The following ZNF582 variants were observed in gnomAD, a reference collection of about 807,000 sequenced individuals.
ZNF582 encodes the protein zinc finger protein 582.
A neutral mutation model predicts 12.3 loss-of-function variants in ZNF582; 14 were observed. The observed-to-expected ratio is 1.14, with a 90% CI of 0.75 to 1.78. The LOEUF (loss-of-function observed/expected upper bound fraction) is 1.78. Ranked by LOEUF, ZNF582 falls within the 40% of genes most tolerant of loss-of-function variation. The probability of loss-of-function intolerance (pLI) is 0.00; values close to 1 mark genes in which losing one functional copy is unlikely to be tolerated. For missense variants in ZNF582, 567 were observed against 616.5 expected, an observed-to-expected ratio of 0.92 and a Z score of 0.85; for synonymous variants, 210 against 207.2, an observed-to-expected ratio of 1.01 and a Z score of -0.11.
exon 1 of ZNF582, chr19:56,393,470 C>T (rs766304501): frequency 1.1e-4 from 55 of 516,438 alleles, no homozygotes; most frequent in South Asian, 7.5e-4. Flanking sequence ...CAAGTGCCAC[C>T]GCGGCCGCGC....
chr19:56,383,068 A>C (rs2041930964), exon 5 of ZNF582: 2 of 152,226 alleles, frequency 1.3e-5, no homozygotes. Flanking sequence ...TGTGCTGCAC[A>C]GGAGACTGGA....
In ZNF582 at chr19:56,384,863, A is replaced by C. The variant is rs372062017; in HGVS notation, c.554T>G (p.Leu185Arg). ...ATAAATTCCTTGATGATTAATAAGG[A>C]GTTCCTTTTGCCAGAAGTCTTTTCT... The change falls in exon 5 of 5, where the codon CTC becomes CGC. Residue 185 changes from leucine (L) to arginine (R), a missense_variant. By Grantham distance (102) the Leu-to-Arg change is moderately radical (BLOSUM62 -2). Coordinates refer to ENST00000586929, the Ensembl canonical transcript of ZNF582. 2.4e-5 allele frequency: 39 copies of C among 1,610,426 alleles called. No individual in the cohort carries two copies. The African/African-American group carries it at 5.1e-4, about 21-fold the overall frequency.
Position 56,393,256 on chromosome 19 carries a change from G to A in ZNF582, c.-117C>T, listed in dbSNP as rs368263710. 88 of 1,246,316 alleles carry A rather than the reference G, an allele frequency of 7.1e-5. No homozygotes were observed. The Middle Eastern group carries it at 1.4e-3, about 19-fold the overall frequency. 77.2% of individuals were successfully genotyped at this position (1,246,316 alleles called of 1,614,324 possible). ...ATGCACCTGGGCTATGAGGCTGGAA[G>A]CAGAAAGGGGGCGCCAGAAAGCGCA... is the stretch of plus-strand genomic sequence containing the variant. On this transcript the variant is annotated 5_prime_UTR_variant, in exon 1 of 5. Coordinates refer to ENST00000586929, the Ensembl canonical transcript of ZNF582.
chr19:56,386,589 T>C (rs552414188), intron 4 of ZNF582: 1 of 152,422 alleles, frequency 6.6e-6, no homozygotes, highest in East Asian at 1.9e-4. Flanking sequence ...GGACTGTGAT[T>C]CTACCTGGTA....
intron 4 of ZNF582, among the ~76,000 whole-genome samples, chr19:56,385,503 C>T (rs7257019): frequency 0.13 from 19,737 of 151,998 alleles, 1,954 homozygotes; most frequent in East Asian, 0.35. Flanking sequence ...TTCAGCAACA[C>T]AGCAAGACCC....
chr19:56,382,925 T>C (rs1370007974), exon 5 of ZNF582: 2 of 152,168 alleles, frequency 1.3e-5, no homozygotes, highest in Non-Finnish European at 2.9e-5. Flanking sequence ...TGTTCTTATA[T>C]AAAAATGTTT....
At position 56,393,208 on chromosome 19, in the gene ZNF582, C is replaced by T. The variant is rs1600334251; in HGVS notation, c.-81+12G>A. ...CGCAATTTCAGGGGGTCGGAGACCCCTGCGCACCCACCTAAGGGGTCCATG... is the reference window on the plus strand; with the variant it reads ...CGCAATTTCAGGGGGTCGGAGACCCTTGCGCACCCACCTAAGGGGTCCATG... On this transcript the variant is annotated intron_variant, in intron 1 of 4. Transcript: ENST00000586929. 1.7e-5 allele frequency: 21 copies of T among 1,263,818 alleles called. No individual in the cohort carries two copies. Among genetic ancestry groups the T allele is most frequent in the Non-Finnish European group, 2.1e-5 (21 of 982,216 alleles). The allele number at this position is 1,263,818 out of a possible 1,614,324, so 78.3% of individuals were successfully genotyped here. A position where few individuals can be genotyped will look rare whatever the true frequency, so the allele number is the denominator to read the frequency against.
chr19:56,386,105 T>A (rs2041963884), intron 4 of ZNF582: 1 of 152,150 alleles, frequency 6.6e-6, no homozygotes, highest in African/African-American at 2.4e-5. Flanking sequence ...ACGGTAAATC[T>A]TGTATTTTAC....
At chr19:56,390,230 G>A in intron 3 of ZNF582, 134 bp from the exon 4 acceptor site, 8 of 1,370,688 alleles carry the variant, frequency 5.8e-6, no homozygotes, top group Middle Eastern at 2.4e-4. Context: ...CCTGGGGGTA[G>A]GGGGATGCAG....
At chr19:56,388,090 C>T (rs1224819913) in intron 4 of ZNF582, among the ~76,000 whole-genome samples, 1 of 148,710 alleles carries the variant, frequency 6.7e-6, no homozygotes, top group Admixed American at 6.9e-5. Context: ...TGTTAACTAG[C>T]TTTTACTGAA....
chr19:56,383,625 T>C (rs1192883520), exon 5 of ZNF582: 2 of 376,436 alleles, frequency 5.3e-6, no homozygotes, highest in African/African-American at 4.2e-5. Context: ...CTTGATAAAA[T>C]TACTACACTG....
intron 4 of ZNF582, among the ~76,000 whole-genome samples, chr19:56,389,599 T>C (rs780264770): frequency 8.6e-5 from 13 of 151,946 alleles, no homozygotes; most frequent in Non-Finnish European, 1.6e-4. Flanking sequence ...GGTGATGAAA[T>C]AATCTGTAAA....
chr19:56,384,305 A>G (rs1258953461), exon 5 of ZNF582: 1 of 1,611,062 alleles, frequency 6.2e-7, no homozygotes, highest in African/African-American at 1.4e-5. Context: ...CTTTCCACAT[A>G]CTTTGCACTC....
At chr19:56,388,013 A>G (rs191964103) in intron 4 of ZNF582, among the ~76,000 whole-genome samples, 422 of 152,266 alleles carry the variant, frequency 2.8e-3, no homozygotes, top group South Asian at 8.1e-3. Context: ...TTTTTGGTTC[A>G]TGTGAGGTTT....
chr19:56,383,095 T>C (rs189339436), exon 5 of ZNF582: 1 of 152,306 alleles, frequency 6.6e-6, no homozygotes, highest in East Asian at 1.9e-4. Context: ...GCATCTGATA[T>C]TCTCAGAGTC....
exon 5 of ZNF582, chr19:56,383,914 C>T (rs750969772): frequency 3.1e-6 from 5 of 1,606,258 alleles, no homozygotes; most frequent in Non-Finnish European, 4.2e-6. Context: ...TGCTTGCCAA[C>T]ATAAATTCTC....
chr19:56,390,100 G>C lies in ZNF582; in HGVS notation c.137-4C>G. The C allele has an allele frequency of 2.5e-6, 4 of 1,613,406 alleles. No homozygotes were observed. The highest frequency in any genetic ancestry group is 3.4e-6 in the Non-Finnish European group (4 of 1,179,730). On this transcript the variant is annotated splice_region_variant and splice_polypyrimidine_tract_variant and intron_variant, in intron 3 of 4. Coordinates refer to ENST00000586929, the Ensembl canonical transcript of ZNF582. Reference sequence around the variant, plus strand: ...TCAGGTTTGGAAACGGCAAGACCTGGAGATGAGAAGAAACATGCCACCTGG... The same window carrying C: ...TCAGGTTTGGAAACGGCAAGACCTGCAGATGAGAAGAAACATGCCACCTGG...
chr19:56,383,048 C>T (rs1199578847), exon 5 of ZNF582: 1 of 152,198 alleles, frequency 6.6e-6, no homozygotes, highest in Non-Finnish European at 1.5e-5. Flanking sequence ...CTGGGAGATA[C>T]TGGCCATACT....
In ZNF582 at chr19:56,384,336, G is replaced by C. The variant is rs1375390938; in HGVS notation, c.1081C>G (p.His361Asp). 7.4e-6 allele frequency: 12 copies of C among 1,613,676 alleles called. No individual in the cohort carries two copies. The highest frequency in any genetic ancestry group is 8.5e-7 in the Non-Finnish European group (1 of 1,179,860). ...CACTCATAGGGTTTCTCACCGGTAT[G>C]AATTCTCTGATGTCGTATAAGAGTT... The change falls in exon 5 of 5, where the codon CAT (histidine) becomes GAT (aspartate). Residue 361 changes from histidine to aspartate, a missense_variant. His to Asp is a moderately conservative substitution (Grantham distance 81). Coordinates refer to ENST00000586929, the Ensembl canonical transcript of ZNF582.
Sources: allele counts gnomAD v4.1 joint callset (sites outside exome capture counted in the v4.1 genomes callset), GRCh38; gene constraint gnomAD v4.1.1; transcripts MANE v1.5; gene names NCBI Gene and HGNC (gene_info 2026-07-23, HGNC 2026-07-21).